The following RHPN1 variants were observed in gnomAD, a reference collection of about 807,000 sequenced individuals.
RHPN1 encodes the protein rhophilin-1.
A neutral mutation model predicts 74.7 loss-of-function variants in RHPN1; 77 were observed. That is an observed-to-expected ratio of 1.03 (90% confidence interval 0.86 to 1.25). The LOEUF (loss-of-function observed/expected upper bound fraction) is 1.25. Ranked by LOEUF, RHPN1 falls within the 50% of genes most tolerant of loss-of-function variation. The pLI, the probability that RHPN1 is intolerant of heterozygous loss-of-function variation, is 0.00. For synonymous variants in RHPN1, 444 were observed against 414.5 expected, an observed-to-expected ratio of 1.07 and a Z score of -0.87; for missense variants, 987 against 932.2, an observed-to-expected ratio of 1.06 and a Z score of -0.77.
At chr8:143,378,623 T>A in intron 5 of RHPN1, 73 bp from the exon 6 acceptor site, 1 of 1,527,952 alleles carries the variant, frequency 6.5e-7, no homozygotes, top group Non-Finnish European at 8.8e-7. Context: ...CTGGTGCCCA[T>A]GGGACTTCCC....
intron 1 of RHPN1, among the ~76,000 whole-genome samples, chr8:143,373,487 A>G (rs1207476307): frequency 9.8e-4 from 4 of 4,102 alleles, no homozygotes; most frequent in South Asian, 8.5e-3. Flanking sequence ...GGGTTTGGGG[A>G]TGGCGCGGGT....
At chr8:143,379,768 G>T in intron 8 of RHPN1, 61 bp from the exon 9 acceptor site, 1 of 1,541,014 alleles carries the variant, frequency 6.5e-7, no homozygotes, top group South Asian at 1.2e-5. Context: ...GCTGGGTAGG[G>T]AGAAGCAGGC....
At chr8:143,368,402 T>C (rs1281717040), upstream of RHPN1, 2 of 152,638 alleles carry the variant, frequency 1.3e-5, no homozygotes, top group African/African-American at 4.8e-5. Context: ...AAAAACCCCA[T>C]TGTGAACATT....
Position 143,378,901 on chromosome 8 carries a change from C to T in RHPN1, c.585-11C>T. 6.3e-7 allele frequency: 1 copy of T among 1,584,904 alleles called. No individual in the cohort carries two copies. The highest frequency in any genetic ancestry group is 1.2e-5 in the South Asian group (1 of 86,664). ...CGTGGGAACTCCACCCAGCCTGACC[C>T]AACACTGCAGGTACGACTCGCTTAC... On this transcript the variant is annotated splice_polypyrimidine_tract_variant and intron_variant, in intron 6 of 14. Coordinates refer to ENST00000289013, the MANE Select transcript of RHPN1 (RefSeq NM_052924.3).
Position 143,377,949 on chromosome 8 carries a change from C to T in RHPN1, c.382-320C>T, listed in dbSNP as rs567042029. Among the ~76,000 whole-genome samples, 5 of 152,284 alleles carry T rather than the reference C, an allele frequency of 3.3e-5. No individual in the cohort carries two copies. The South Asian group carries it at 1.0e-3, about 32-fold the overall frequency. ...GCAGATGGCACCTGCCTCCCGGCCA[C>T]GGGGATGAATAAGGAAACGCACGTA... is the stretch of plus-strand genomic sequence containing the variant. On this transcript the variant is annotated intron_variant, in intron 4 of 14. Coordinates refer to ENST00000289013, the MANE Select transcript of RHPN1 (RefSeq NM_052924.3).
chr8:143,377,408 CT>C lies in RHPN1; in HGVS notation c.335del (p.Leu112ArgfsTer3). 6 of 1,613,486 alleles carry C rather than the reference CT, an allele frequency of 3.7e-6. No homozygotes were observed. Among genetic ancestry groups the C allele is most frequent in the Non-Finnish European group, 5.1e-6 (6 of 1,179,580 alleles). On this transcript the variant is annotated frameshift_variant, in exon 4 of 15. Transcript: ENST00000289013. LOFTEE classifies it high-confidence loss of function. ...SEAVTVPMIP[L>X]GLKETKELDW... ...AGCTGTCACTGTCCCCATGATCCCCCTGGGCCTGAAGGAGACCAAGGAGCTG... is the reference window on the plus strand; with the variant it reads ...AGCTGTCACTGTCCCCATGATCCCCCGGGCCTGAAGGAGACCAAGGAGCTG...
In RHPN1 at chr8:143,375,773, C is replaced by G; in HGVS notation, c.176+105C>G. ...CTGCCCCATGGCCGGGTCACAGAGACAGGTGCATGAGCAGCTGGGTCCTGG... is the reference window on the plus strand; with the variant it reads ...CTGCCCCATGGCCGGGTCACAGAGAGAGGTGCATGAGCAGCTGGGTCCTGG... On this transcript the variant is annotated intron_variant, in intron 2 of 14. Coordinates refer to ENST00000289013, the MANE Select transcript of RHPN1 (RefSeq NM_052924.3). The G allele has an allele frequency of 3.7e-6, 3 of 812,664 alleles. 1 individual carries two copies. In the South Asian group the frequency reaches 5.1e-5, roughly 14 times the overall value. 50.3% of individuals were successfully genotyped at this position (812,664 alleles called of 1,614,324 possible). A position where few individuals can be genotyped will look rare whatever the true frequency, so the allele number is the denominator to read the frequency against.
At chr8:143,371,816 T>A (rs1457429324) in intron 1 of RHPN1, among the ~76,000 whole-genome samples, 3 of 152,112 alleles carry the variant, frequency 2.0e-5, no homozygotes, top group African/African-American at 7.2e-5. Context: ...GAGCTCCAGG[T>A]CACCTTTGTC....
At chr8:143,364,273 CTT>C (rs1159467909), upstream of RHPN1, among the ~76,000 whole-genome samples, 1 of 152,224 alleles carries the variant, frequency 6.6e-6, no homozygotes, top group African/African-American at 2.4e-5. This position sits in a 1 kb window ranked among gnomAD's most constrained non-coding sequence, Gnocchi z 4.5. Context: ...ATATCCTTTT[CTT>C]TTTATTTGCC....
Position 143,373,510 on chromosome 8 carries a change from G to T in RHPN1, c.61-2043G>T, listed in dbSNP as rs28653672. Among the ~76,000 whole-genome samples the T allele has an allele frequency of 3.1e-4, 9 of 28,582 alleles. No individual in the cohort carries two copies. In the African/African-American group the frequency reaches 3.3e-3, roughly 11 times the overall value. 18.8% of individuals were successfully genotyped at this position (28,582 alleles called of 152,430 possible). A position where few individuals can be genotyped will look rare whatever the true frequency, so the allele number is the denominator to read the frequency against. On this transcript the variant is annotated intron_variant, in intron 1 of 14. Transcript: ENST00000289013. The stretch of plus-strand genomic sequence containing the variant: ...GGATGGCGCGGGTTCCAGGGGACGG[G>T]GCGGGGGCTTGGGGGATGGTGTGGG...
intron 9 of RHPN1, 29 bp from the exon 10 acceptor site, chr8:143,380,033 G>C (rs754223777): frequency 6.5e-7 from 1 of 1,547,218 alleles, no homozygotes; most frequent in African/African-American, 1.4e-5. Context: ...GCCCCCCCGC[G>C]CAGGGCTCAC....
Position 143,379,036 on chromosome 8 carries a change from G to A in RHPN1, c.709G>A (p.Glu237Lys), listed in dbSNP as rs779922801. 3.0e-5 allele frequency: 47 copies of A among 1,544,464 alleles called. No individual in the cohort carries two copies. Among genetic ancestry groups the A allele is most frequent in the East Asian group, 1.2e-4 (5 of 40,802 alleles). The change falls in exon 7 of 15, where the codon GAG (glutamate) becomes AAG (lysine). Residue 237 changes from glutamate (E) to lysine (K), a missense_variant. Glu to Lys is a moderately conservative substitution (Grantham distance 56, BLOSUM62 1). Transcript: ENST00000289013. The part of the protein sequence containing the change: ...IGARQDRSCT[E>K]GARRAMEAFQ... Reference sequence around the variant, plus strand: ...GGCGCGCCAGGACCGCTCCTGCACCGAGGGTGCCCGCCGCGCTATGGAGGC... The same window carrying A: ...GGCGCGCCAGGACCGCTCCTGCACCAAGGGTGCCCGCCGCGCTATGGAGGC...
chr8:143,370,645 C>T (rs1199268631), intron 1 of RHPN1, among the ~76,000 whole-genome samples: 2 of 152,248 alleles, frequency 1.3e-5, no homozygotes, highest in African/African-American at 2.4e-5. Flanking sequence ...GCCAGTGCTA[C>T]AGCTGGAGTC....
chr8:143,374,116 C>T (rs1286068640), intron 1 of RHPN1: 2 of 984,870 alleles, frequency 2.0e-6, no homozygotes, highest in Non-Finnish European at 2.4e-6. Context: ...TTCACATTAG[C>T]AAAAAGAACT....
chr8:143,375,042 C>T (rs1044123997), intron 1 of RHPN1, among the ~76,000 whole-genome samples: 10 of 152,186 alleles, frequency 6.6e-5, no homozygotes, highest in African/African-American at 2.4e-4. Context: ...TGGCCGCCCC[C>T]AGAGCCTCAG....
rs3814770 is a variant in RHPN1, at chr8:143,383,215, G to C, written c.*564G>C. Reference sequence around the variant, plus strand: ...GGGACTCCCCACCTCTGCGCCCTGTGCTGGTCATCATGGGCTCTGTGCTGG... The same window carrying C: ...GGGACTCCCCACCTCTGCGCCCTGTCCTGGTCATCATGGGCTCTGTGCTGG... On this transcript the variant is annotated 3_prime_UTR_variant, in exon 15 of 15. Transcript: ENST00000289013. 0.77 allele frequency: 121,446 copies of C among 157,054 alleles called. 50,392 individuals are homozygous for C. The highest frequency in any genetic ancestry group is 0.93 in the East Asian group (4,856 of 5,244). The allele number at this position is 157,054 out of a possible 1,614,324, so 9.7% of individuals were successfully genotyped here. A position where few individuals can be genotyped will look rare whatever the true frequency, so the allele number is the denominator to read the frequency against.
At chr8:143,367,663 G>A (rs1378700185), upstream of RHPN1, 1 of 152,238 alleles carries the variant, frequency 6.6e-6, no homozygotes, top group African/African-American at 2.4e-5. Context: ...CTGTGTGCTT[G>A]TTGCGGAGCC....
intron 1 of RHPN1, among the ~76,000 whole-genome samples, chr8:143,370,902 G>A (rs767521451): frequency 1.3e-5 from 2 of 152,230 alleles, no homozygotes; most frequent in Non-Finnish European, 2.9e-5. Context: ...GGAGCAGGCT[G>A]CAGAGGGAGA....
chr8:143,379,707 G>A, intron 8 of RHPN1, 122 bp from the exon 9 acceptor site: 1 of 1,454,886 alleles, frequency 6.9e-7, no homozygotes, highest in Non-Finnish European at 9.0e-7. Context: ...CAAAGCAGCA[G>A]GAACTGAGGT....
Sources: allele counts gnomAD v4.1 joint callset (sites outside exome capture counted in the v4.1 genomes callset), GRCh38; gene constraint gnomAD v4.1.1; non-coding constraint Gnocchi (gnomAD v3.1); transcripts MANE v1.5; gene names NCBI Gene and HGNC (gene_info 2026-07-23, HGNC 2026-07-21).